Variants in LPGAT1 observed in about 807,000 individuals in gnomAD.
The protein encoded by LPGAT1 is acyl-CoA:lysophosphatidylglycerol acyltransferase 1.
In LPGAT1, 11 loss-of-function variants were observed where a neutral mutation model predicts 47.5. That is an observed-to-expected ratio of 0.23 (90% CI 0.15 to 0.38). The LOEUF (loss-of-function observed/expected upper bound fraction) is 0.38, where lower values mean the gene tolerates loss of function less well. Among genes scored for constraint, LPGAT1 ranks in the 10% least tolerant of loss-of-function variants. The probability of loss-of-function intolerance (pLI) is 1.00; values close to 1 mark genes in which losing one functional copy is unlikely to be tolerated. For synonymous variants in LPGAT1, 138 were observed against 144.2 expected, an observed-to-expected ratio of 0.96 and a Z score of 0.31; for missense variants, 293 against 439.0, an observed-to-expected ratio of 0.67 and a Z score of 2.97.
At chr1:211,820,100 C>T (rs967211449) in intron 2 of LPGAT1, among the ~76,000 whole-genome samples, 3 of 152,094 alleles carry the variant, frequency 2.0e-5, no homozygotes, top group African/African-American at 7.2e-5. Context: ...AAAAGACCTT[C>T]TAGAAGGTCT....
intron 5 of LPGAT1, among the ~76,000 whole-genome samples, chr1:211,782,649 C>A (rs74758659): frequency 1.3e-5 from 2 of 151,922 alleles, no homozygotes; most frequent in African/African-American, 2.4e-5. Flanking sequence ...GTGGGAAGAT[C>A]GCTTGAGCCC....
chr1:211,745,082 A>C lies in LPGAT1; in HGVS notation c.*4817T>G, dbSNP rs1324737725. On this transcript the variant is annotated 3_prime_UTR_variant, in exon 8 of 8. Coordinates refer to ENST00000366997, the MANE Select transcript of LPGAT1 (RefSeq NM_014873.3). Reference sequence around the variant, plus strand: ...TGCTTCTTTTGGTGTTCACATCTAAATTTCTGAAAAGGTGATCTGGTTACC... The same window carrying C: ...TGCTTCTTTTGGTGTTCACATCTAACTTTCTGAAAAGGTGATCTGGTTACC... The C allele has an allele frequency of 1.3e-5, 2 of 152,668 alleles. No individual in the cohort carries two copies. Among genetic ancestry groups the C allele is most frequent in the African/African-American group, 2.4e-5 (1 of 41,454 alleles). The allele number at this position is 152,668 out of a possible 1,614,324, so 9.5% of individuals were successfully genotyped here. A position where few individuals can be genotyped will look rare whatever the true frequency, so the allele number is the denominator to read the frequency against.
At chr1:211,782,465 G>T (rs1658681657) in intron 5 of LPGAT1, among the ~76,000 whole-genome samples, 1 of 152,132 alleles carries the variant, frequency 6.6e-6, no homozygotes, top group South Asian at 2.1e-4. Flanking sequence ...TGGACATGGT[G>T]GCTTACACCT....
chr1:211,809,540 A>G (rs899428679), intron 2 of LPGAT1, among the ~76,000 whole-genome samples: 1 of 152,184 alleles, frequency 6.6e-6, no homozygotes, highest in African/African-American at 2.4e-5. Flanking sequence ...CTTGAATTAT[A>G]GCTCCCATAA....
intron 2 of LPGAT1, among the ~76,000 whole-genome samples, chr1:211,812,744 A>C (rs953105783): frequency 2.6e-5 from 4 of 152,182 alleles, no homozygotes; most frequent in Non-Finnish European, 5.9e-5. Context: ...CAGAGAAGAA[A>C]GGGCAGTAAT....
chr1:211,819,082 T>C lies in LPGAT1; in HGVS notation c.238+9977A>G, dbSNP rs561266791. On this transcript the variant is annotated intron_variant, in intron 2 of 7. Coordinates refer to ENST00000366997, the MANE Select transcript of LPGAT1 (RefSeq NM_014873.3). ...TAAACAAAAATCTTGTGTTGTACTT[T>C]TTGGTATGGACATAGCAGCATTATA... Among the ~76,000 whole-genome samples the C allele has an allele frequency of 8.6e-4, 131 of 152,366 alleles. 1 individual carries two copies. The highest frequency in any genetic ancestry group is 1.4e-3 in the Admixed American group (22 of 15,304).
intron 6 of LPGAT1, among the ~76,000 whole-genome samples, chr1:211,772,783 TAAAA>T: frequency 6.6e-6 from 1 of 152,268 alleles, no homozygotes; most frequent in South Asian, 2.1e-4. Context: ...TTTTCTGTAA[TAAAA>T]AGATTTTGAA....
In LPGAT1 at chr1:211,828,659, G is replaced by T. The variant is rs1194189148; in HGVS notation, c.238+400C>A. Reference sequence around the variant, plus strand: ...TGAAGAAACTTATTAAACTATCTTAGCACAAATATGGTCCCATTCTTTTTC... The same window carrying T: ...TGAAGAAACTTATTAAACTATCTTATCACAAATATGGTCCCATTCTTTTTC... On this transcript the variant is annotated intron_variant, in intron 2 of 7. Coordinates refer to ENST00000366997, the MANE Select transcript of LPGAT1 (RefSeq NM_014873.3). 3.3e-5 allele frequency among the ~76,000 whole-genome samples: 5 copies of T among 152,284 alleles called. No homozygotes were observed. The East Asian group carries it at 9.6e-4, about 29-fold the overall frequency.
At chr1:211,777,753 C>T (rs1213276305) in intron 6 of LPGAT1, among the ~76,000 whole-genome samples, 3 of 152,110 alleles carry the variant, frequency 2.0e-5, no homozygotes, top group African/African-American at 4.8e-5. Context: ...TGAACCAGAG[C>T]AACTCAATCC....
chr1:211,784,309 T>C (rs974113353), intron 4 of LPGAT1, among the ~76,000 whole-genome samples: 2 of 152,028 alleles, frequency 1.3e-5, no homozygotes, highest in Non-Finnish European at 2.9e-5. Context: ...CTGGGCAACA[T>C]GGTGAAACCC....
chr1:211,784,804 C>CTTTTT (rs11393776), intron 4 of LPGAT1, among the ~76,000 whole-genome samples: 3 of 133,318 alleles, frequency 2.3e-5, no homozygotes, highest in African/African-American at 5.5e-5. Context: ...AAGGTTCTTT[C>CTTTTT]TTTTTTTTTT....
chr1:211,819,005 A>G (rs947079684), intron 2 of LPGAT1, among the ~76,000 whole-genome samples: 1 of 152,222 alleles, frequency 6.6e-6, no homozygotes, highest in Non-Finnish European at 1.5e-5. Flanking sequence ...ATAATAATCA[A>G]CCAGTGTACA....
intron 6 of LPGAT1, among the ~76,000 whole-genome samples, chr1:211,753,142 G>A (rs1217033498): frequency 6.6e-6 from 1 of 152,140 alleles, no homozygotes; most frequent in Non-Finnish European, 1.5e-5. Context: ...ACATTAGGAG[G>A]TCCCTTCACC....
intron 2 of LPGAT1, among the ~76,000 whole-genome samples, chr1:211,815,474 T>C (rs894532216): frequency 1.3e-5 from 2 of 152,156 alleles, no homozygotes; most frequent in Non-Finnish European, 2.9e-5. Context: ...CACCCTCACC[T>C]GATAAGGTGA....
chr1:211,760,714 T>C (rs923225876), intron 6 of LPGAT1, among the ~76,000 whole-genome samples: 3 of 152,192 alleles, frequency 2.0e-5, no homozygotes, highest in Non-Finnish European at 2.9e-5. Flanking sequence ...ACTATGTATG[T>C]ATGGGGCAGA....
Position 211,783,401 on chromosome 1 carries a change from C to T in LPGAT1, c.555G>A (p.Gly185=). ...DRKWIVLFPE[G]GFLRKRRETS... is the part of the protein sequence containing the mutation. ...TTTCTCGCCTCTTCCTGAGGAAGCC[C>T]CCTTCTGGAAACAAAACAATCCATT... Residue 185 remains glycine, a synonymous_variant, in exon 5 of 8, where the codon GGG becomes GGA. Coordinates refer to ENST00000366997, the MANE Select transcript of LPGAT1 (RefSeq NM_014873.3). 1.9e-6 allele frequency: 3 copies of T among 1,614,138 alleles called. No individual in the cohort carries two copies. Among genetic ancestry groups the T allele is most frequent in the Non-Finnish European group, 2.5e-6 (3 of 1,180,026 alleles).
Position 211,829,240 on chromosome 1 carries a change from C to G in LPGAT1, c.57G>C (p.Leu19=). 1 of 1,614,222 alleles carries G rather than the reference C, an allele frequency of 6.2e-7. No individual in the cohort carries two copies. Among genetic ancestry groups the G allele is most frequent in the Non-Finnish European group, 8.5e-7 (1 of 1,180,046 alleles). The change falls in exon 2 of 8, where the codon CTG becomes CTC. Residue 19 remains leucine (L), a synonymous_variant. Transcript: ENST00000366997. ...PWLGWLLVKA[L]MRFAFMVVNN... ...TGACGACCATGAAGGCAAACCTCAT[C>G]AGTGCTTTCACCAAGAGCCAGCCCA...
At chr1:211,829,874 T>A (rs1340399750) in intron 1 of LPGAT1, 1 of 984,426 alleles carries the variant, frequency 1.0e-6, no homozygotes, top group African/African-American at 1.8e-5. Flanking sequence ...TTTCCCTTTT[T>A]TTTTTAAGAA....
chr1:211,768,879 A>G (rs770295660), intron 6 of LPGAT1, among the ~76,000 whole-genome samples: 5 of 152,326 alleles, frequency 3.3e-5, no homozygotes, highest in Admixed American at 6.5e-5. Context: ...TTCCAAGGGA[A>G]GACTTCTCGT....
Sources: gnomAD v4.1 joint callset for allele counts (sites outside exome capture counted in the v4.1 genomes callset) on GRCh38, gnomAD v4.1.1 for gene constraint, MANE v1.5 for transcripts, NCBI Gene and HGNC (gene_info 2026-07-23, HGNC 2026-07-21) for gene names.